DHTKD1: variants seen among roughly 807,000 people sequenced by gnomAD.
DHTKD1 encodes the protein 2-oxoadipate dehydrogenase complex component E1.
In DHTKD1, 78 loss-of-function variants were observed where a neutral mutation model predicts 101.8. That is an observed-to-expected ratio of 0.77 (90% CI 0.64 to 0.93). DHTKD1 has a LOEUF of 0.93. Ranked by LOEUF, DHTKD1 falls within the 40% of genes least tolerant of loss-of-function variation. The pLI, the probability that DHTKD1 is intolerant of heterozygous loss-of-function variation, is 0.00. For missense variants in DHTKD1, 1,223 were observed against 1,161.7 expected (o/e 1.05, Z -0.77); for synonymous variants, 462 against 450.3 (o/e 1.03, Z -0.33).
intron 13 of DHTKD1, among the ~76,000 whole-genome samples, chr10:12,113,346 T>C (rs1242662719): frequency 7.9e-5 from 12 of 152,240 alleles, no homozygotes; most frequent in Non-Finnish European, 1.3e-4. Context: ...TACAGGCATG[T>C]GCCACCACAC....
In DHTKD1 at chr10:12,120,862, G is replaced by T. The variant is rs199697560; in HGVS notation, c.2734G>T (p.Asp912Tyr). ...CACAGTTCACTTGCACCAGCATGAA[G>T]ATATCCTCGCCAAGACCTTCGCTTG... ...IGTVHLHQHE[D>Y]ILAKTFA The change falls in exon 17 of 17, where the codon GAT becomes TAT. Residue 912 changes from aspartate to tyrosine, a missense_variant. Coordinates refer to ENST00000263035, the MANE Select transcript of DHTKD1 (RefSeq NM_018706.7). The T allele has an allele frequency of 4.3e-6, 7 of 1,613,982 alleles. No homozygotes were observed. Among genetic ancestry groups the T allele is most frequent in the Non-Finnish European group, 5.9e-6 (7 of 1,179,912 alleles).
rs1588604213 is a variant in DHTKD1, at chr10:12,081,628, G to A, written c.310+1G>A. On this transcript the variant is annotated splice_donor_variant, in intron 2 of 16. Transcript: ENST00000263035. LOFTEE classifies it high-confidence loss of function. Reference sequence around the variant, plus strand: ...CTGCAGGGACCCTTCCACACGGCAGGTATGGCTTCTGCACAGCAGGCGGGA... The same window carrying A: ...CTGCAGGGACCCTTCCACACGGCAGATATGGCTTCTGCACAGCAGGCGGGA... 6.2e-7 allele frequency: 1 copy of A among 1,613,946 alleles called. No homozygotes were observed.
chr10:12,093,489 G>C (rs2131362131), intron 6 of DHTKD1, among the ~76,000 whole-genome samples: 1 of 152,222 alleles, frequency 6.6e-6, no homozygotes, highest in South Asian at 2.1e-4. Context: ...GGCTGAAATT[G>C]GTCATCTTAA....
At chr10:12,070,743 C>T (rs1030706185) in intron 1 of DHTKD1, among the ~76,000 whole-genome samples, 7 of 152,156 alleles carry the variant, frequency 4.6e-5, no homozygotes, top group African/African-American at 1.7e-4. Flanking sequence ...CTGGCCTTGG[C>T]CTCCTAAAGT....
intron 10 of DHTKD1, among the ~76,000 whole-genome samples, chr10:12,104,269 C>G (rs934596811): frequency 2.6e-5 from 4 of 152,080 alleles, no homozygotes; most frequent in Non-Finnish European, 5.9e-5. Context: ...ACCTCAGATT[C>G]CTAGGTTAAA....
chr10:12,119,438 A>G (rs1422318937), intron 15 of DHTKD1, among the ~76,000 whole-genome samples: 1 of 150,320 alleles, frequency 6.7e-6, no homozygotes, highest in Non-Finnish European at 1.5e-5. Flanking sequence ...ACACAGTGAA[A>G]CCCCGTCTCT....
At position 12,100,276 on chromosome 10, in the gene DHTKD1, T is replaced by TTTTTTTTTA; in HGVS notation, c.1756+22_1756+23insATTTTTTTT. ...TACTTGCTCAAGGTAAGAATTTTCT[T>TTTTTTTTTA]TTTTTTTTCTGTTTTTTTTTTTTTT... On this transcript the variant is annotated intron_variant, in intron 9 of 16. Transcript: ENST00000263035. 8.6e-7 allele frequency: 1 copy of TTTTTTTTTA among 1,161,446 alleles called. No individual in the cohort carries two copies. The highest frequency in any genetic ancestry group is 1.2e-6 in the Non-Finnish European group (1 of 829,106). 71.9% of individuals were successfully genotyped at this position (1,161,446 alleles called of 1,614,324 possible).
chr10:12,083,281 C>G (rs1056172932), intron 2 of DHTKD1, among the ~76,000 whole-genome samples: 8 of 98,864 alleles, frequency 8.1e-5, no homozygotes, highest in Admixed American at 3.1e-4. Context: ...AGCTAATGAG[C>G]TGCAAAAAAA....
At chr10:12,069,303 C>A in intron 1 of DHTKD1, 116 bp downstream of exon 1, 1 of 177,724 alleles carries the variant, frequency 5.6e-6, no homozygotes, top group Non-Finnish European at 1.1e-5. Context: ...AACGCGCGGC[C>A]GGTGGGGAGG....
In DHTKD1 at chr10:12,089,217, A is replaced by G. The variant is rs1412366693; in HGVS notation, c.949A>G (p.Asn317Asp). 1.2e-6 allele frequency: 2 copies of G among 1,614,142 alleles called. No homozygotes were observed. Among genetic ancestry groups the G allele is most frequent in the Non-Finnish European group, 1.7e-6 (2 of 1,180,024 alleles). Residue 317 changes from asparagine (N) to aspartate (D), a missense_variant, in exon 5 of 17, where the codon AAC (asparagine) becomes GAC (aspartate). Coordinates refer to ENST00000263035, the MANE Select transcript of DHTKD1 (RefSeq NM_018706.7). ...SRQDGDYSPD[N>D]SAQPGDRVIC... is the part of the protein sequence containing the mutation. ...CCAAGACGGCGATTACTCTCCAGAC[A>G]ACTCAGCCCAGCCGGGGGACAGGGT...
At chr10:12,106,735 G>C (rs147012196) in intron 11 of DHTKD1, among the ~76,000 whole-genome samples, 6 of 152,142 alleles carry the variant, frequency 3.9e-5, no homozygotes, top group African/African-American at 1.4e-4. Flanking sequence ...TGAAGTAAAC[G>C]TCTAAGTCTT....
chr10:12,121,206 C>G lies in DHTKD1; in HGVS notation c.*318C>G, dbSNP rs1394056194. 1 of 100,944 alleles carries G rather than the reference C, an allele frequency of 9.9e-6. No individual in the cohort carries two copies. Among genetic ancestry groups the G allele is most frequent in the Non-Finnish European group, 1.8e-5 (1 of 56,564 alleles). The allele number at this position is 100,944 out of a possible 1,614,324, so 6.3% of individuals were successfully genotyped here. ...TTGCTGTCCAGCCTGGGTGACAGAG[C>G]AAGACTGCGTTTCAAAAAAAAAAAA... On this transcript the variant is annotated 3_prime_UTR_variant, in exon 17 of 17. Coordinates refer to ENST00000263035, the MANE Select transcript of DHTKD1 (RefSeq NM_018706.7).
intron 1 of DHTKD1, among the ~76,000 whole-genome samples, chr10:12,077,084 G>A (rs535469001): frequency 6.7e-6 from 1 of 148,700 alleles, no homozygotes; most frequent in East Asian, 2.0e-4. Flanking sequence ...AAATATATGT[G>A]TGCATATATA....
intron 7 of DHTKD1, 119 bp from the exon 8 acceptor site, chr10:12,097,565 C>T: frequency 1.2e-6 from 1 of 852,976 alleles, no homozygotes; most frequent in South Asian, 1.8e-5. Context: ...TGAGCCACTG[C>T]ACCTGTCGAA....
chr10:12,120,850 C>A lies in DHTKD1; in HGVS notation c.2722C>A (p.His908Asn), dbSNP rs140386798. Residue 908 changes from histidine (H) to asparagine (N), a missense_variant, in exon 17 of 17, where the codon CAC becomes AAC. Transcript: ENST00000263035. ...TGTAGGAATTGGCACAGTTCACTTG[C>A]ACCAGCATGAAGATATCCTCGCCAA... is the stretch of plus-strand genomic sequence containing the variant. ...PAVGIGTVHL[H>N]QHEDILAKTF... is the part of the protein sequence containing the mutation. 1.5e-4 allele frequency: 244 copies of A among 1,614,068 alleles called. 1 individual carries two copies. In the African/African-American group the frequency reaches 3.0e-3, roughly 20 times the overall value.
chr10:12,070,534 G>T (rs1350722401), intron 1 of DHTKD1, among the ~76,000 whole-genome samples: 2 of 152,114 alleles, frequency 1.3e-5, no homozygotes, highest in Non-Finnish European at 2.9e-5. Flanking sequence ...TGTCGCCCAG[G>T]CTGGAGTGCA....
rs1245049699 is a variant in DHTKD1, at chr10:12,110,605, A to G, written c.2155-2295A>G. ...CATTGTGAACTGATTGAATCAAGCT[A>G]ATTACCAGACCCGTCACCTCACATA... On this transcript the variant is annotated intron_variant, in intron 12 of 16. Transcript: ENST00000263035. The surrounding 1 kb of genome is among the most constrained non-coding windows in gnomAD (Gnocchi z 4.9). Among the ~76,000 whole-genome samples, 2 of 152,170 alleles carry G rather than the reference A, an allele frequency of 1.3e-5. No homozygotes were observed. Among genetic ancestry groups the G allele is most frequent in the Non-Finnish European group, 2.9e-5 (2 of 68,036 alleles).
At position 12,107,237 on chromosome 10, in the gene DHTKD1, C is replaced by G. The variant is rs548257143; in HGVS notation, c.2048-672C>G. ...TCCTGACCTCATGATCCACCCACCT[C>G]AGCCTCCCAAAGTGGTGGGATTACG... On this transcript the variant is annotated intron_variant, in intron 11 of 16. Transcript: ENST00000263035. This position sits in a 1 kb window ranked among gnomAD's most constrained non-coding sequence, Gnocchi z 4.1. Among the ~76,000 whole-genome samples, 1 of 152,208 alleles carries G rather than the reference C, an allele frequency of 6.6e-6. No homozygotes were observed. The highest frequency in any genetic ancestry group is 2.1e-4 in the South Asian group (1 of 4,820).
chr10:12,095,678 TGGC>T (rs897098616), intron 7 of DHTKD1, among the ~76,000 whole-genome samples: 2 of 151,032 alleles, frequency 1.3e-5, no homozygotes, highest in African/African-American at 2.4e-5. Context: ...CCGGGCGTGG[TGGC>T]GGGCGCCTGT....
Sources: gnomAD v4.1 joint callset for allele counts (sites outside exome capture counted in the v4.1 genomes callset) on GRCh38, gnomAD v4.1.1 for gene constraint, Gnocchi (gnomAD v3.1) non-coding constraint, MANE v1.5 for transcripts, NCBI Gene and HGNC (gene_info 2026-07-23, HGNC 2026-07-21) for gene names.